CD200R1: variants seen among roughly 807,000 people sequenced by gnomAD.
CD200R1 encodes the protein CD200 receptor 1.
CD200R1 carries 30 observed loss-of-function variants against 38.1 expected under a neutral mutation model. The observed-to-expected ratio is 0.79, with a 90% confidence interval of 0.59 to 1.07. CD200R1 has a LOEUF of 1.07. Ranked by LOEUF, CD200R1 falls within the 50% of genes least tolerant of loss-of-function variation. The pLI is 0.00. For missense variants in CD200R1, 372 were observed against 415.4 expected (o/e 0.90, Z 0.91); for synonymous variants, 128 against 152.1 (o/e 0.84, Z 1.16).
Position 112,922,924 on chromosome 3 carries a change from T to C in CD200R1, c.*753A>G, listed in dbSNP as rs1021057994. ...ATGCACAAACCCTTTGACCTGACAA[T>C]TCCACTCAAGAAAGTTATCCTACAG... On this transcript the variant is annotated 3_prime_UTR_variant, in exon 8 of 8. Transcript: ENST00000308611. 6.6e-6 allele frequency: 1 copy of C among 151,864 alleles called. No homozygotes were observed. Among genetic ancestry groups the C allele is most frequent in the African/African-American group, 2.4e-5 (1 of 41,416 alleles). The allele number at this position is 151,864 out of a possible 1,614,324, so 9.4% of individuals were successfully genotyped here. A position where few individuals can be genotyped will look rare whatever the true frequency, so the allele number is the denominator to read the frequency against.
chr3:112,951,333 T>C (rs149472851), intron 1 of CD200R1, among the ~76,000 whole-genome samples: 1,553 of 152,142 alleles, frequency 0.01, 21 homozygotes, highest in South Asian at 0.031. Context: ...TGAAAAGCCT[T>C]ATATCTTTAA....
At chr3:112,971,292 A>G (rs1196324615) in intron 1 of CD200R1, among the ~76,000 whole-genome samples, 2 of 152,240 alleles carry the variant, frequency 1.3e-5, no homozygotes, top group African/African-American at 4.8e-5. Context: ...AATGACAAGA[A>G]CAAAATCTGT....
At chr3:112,948,194 C>T (rs1219007044) in intron 1 of CD200R1, among the ~76,000 whole-genome samples, 1 of 152,124 alleles carries the variant, frequency 6.6e-6, no homozygotes. Context: ...AGTCTTCTTC[C>T]AGGCTTTTAG....
chr3:112,929,540 C>T, intron 3 of CD200R1, 33 bp from the exon 4 acceptor site: 1 of 1,552,128 alleles, frequency 6.4e-7, no homozygotes, highest in Non-Finnish European at 8.7e-7. Flanking sequence ...AAAAGAAAAG[C>T]TTGATAAAGA....
At chr3:112,960,549 G>A (rs1479228959) in intron 1 of CD200R1, among the ~76,000 whole-genome samples, 1 of 151,874 alleles carries the variant, frequency 6.6e-6, no homozygotes, top group East Asian at 1.9e-4. Context: ...ATGAATAAAT[G>A]AAAGAAGTTA....
intron 3 of CD200R1, among the ~76,000 whole-genome samples, chr3:112,930,692 TG>T (rs1412283441): frequency 6.6e-6 from 1 of 152,248 alleles, no homozygotes. Context: ...AACCTTTATG[TG>T]GGTGAAGGAT....
chr3:112,964,551 T>C (rs1178954248), intron 1 of CD200R1, among the ~76,000 whole-genome samples: 3 of 152,250 alleles, frequency 2.0e-5, no homozygotes, highest in Admixed American at 2.0e-4. Flanking sequence ...CCCCTTTGTT[T>C]TGACCAATTT....
chr3:112,933,902 C>T (rs991367009), intron 2 of CD200R1, among the ~76,000 whole-genome samples: 2 of 151,726 alleles, frequency 1.3e-5, no homozygotes, highest in Non-Finnish European at 2.9e-5. Flanking sequence ...AACTTGAAGA[C>T]AAGTCTTTTG....
In CD200R1 at chr3:112,961,182, G is replaced by A. The variant is rs188287474; in HGVS notation, c.68-13258C>T. Among the ~76,000 whole-genome samples, 17 of 152,044 alleles carry A rather than the reference G, an allele frequency of 1.1e-4. No homozygotes were observed. In the East Asian group the frequency reaches 1.5e-3, roughly 14 times the overall value. On this transcript the variant is annotated intron_variant, in intron 1 of 7. Coordinates refer to ENST00000308611, the MANE Select transcript of CD200R1 (RefSeq NM_138806.4). ...TTTCATTTATTACCCCTGGAATCTC[G>A]CAGGGGTTACTTTCTAAACCCTAGT...
intron 1 of CD200R1, among the ~76,000 whole-genome samples, chr3:112,961,640 A>G (rs1304275241): frequency 3.3e-5 from 5 of 152,102 alleles, no homozygotes; most frequent in Non-Finnish European, 7.4e-5. Context: ...ATAAAGAAAA[A>G]TATTGAGAAG....
rs1173207443 is a variant in CD200R1, at chr3:112,921,956, A to G, written c.*1721T>C. 4 of 152,096 alleles carry G rather than the reference A, an allele frequency of 2.6e-5. No individual in the cohort carries two copies. The highest frequency in any genetic ancestry group is 9.7e-5 in the African/African-American group (4 of 41,446). 9.4% of individuals were successfully genotyped at this position (152,096 alleles called of 1,614,324 possible). ...CCTCAGCTCAACCAGGGTTGGATGAAGAATTAATAAATTTCAAGGACAGTG... is the reference window on the plus strand; with the variant it reads ...CCTCAGCTCAACCAGGGTTGGATGAGGAATTAATAAATTTCAAGGACAGTG... On this transcript the variant is annotated 3_prime_UTR_variant, in exon 8 of 8. Coordinates refer to ENST00000308611, the MANE Select transcript of CD200R1 (RefSeq NM_138806.4).
intron 1 of CD200R1, among the ~76,000 whole-genome samples, chr3:112,973,476 C>A (rs1485724312): frequency 6.6e-6 from 1 of 152,176 alleles, no homozygotes; most frequent in Non-Finnish European, 1.5e-5. Flanking sequence ...TCATATCTAA[C>A]CTTGGCCAAA....
At chr3:112,967,627 C>G (rs1049169248) in intron 1 of CD200R1, among the ~76,000 whole-genome samples, 2 of 152,196 alleles carry the variant, frequency 1.3e-5, no homozygotes, top group African/African-American at 4.8e-5. Context: ...TGATACATGA[C>G]AGACACTCTA....
At chr3:112,928,420 C>T (rs941634593) in intron 5 of CD200R1, among the ~76,000 whole-genome samples, 1 of 151,962 alleles carries the variant, frequency 6.6e-6, no homozygotes, top group Non-Finnish European at 1.5e-5. Context: ...GATGAAAAGT[C>T]CAGAAAACAA....
At chr3:112,949,825 T>C (rs1940938367) in intron 1 of CD200R1, among the ~76,000 whole-genome samples, 1 of 152,172 alleles carries the variant, frequency 6.6e-6, no homozygotes. Flanking sequence ...CACTATGAAT[T>C]CTAGATCTGA....
chr3:112,947,956 A>T, intron 1 of CD200R1, 32 bp from the exon 2 acceptor site: 1 of 1,368,234 alleles, frequency 7.3e-7, no homozygotes, highest in South Asian at 1.2e-5. Context: ...GGGGGTAGAG[A>T]GAGAAATATG....
intron 1 of CD200R1, among the ~76,000 whole-genome samples, chr3:112,973,012 C>T (rs190723941): frequency 5.9e-5 from 9 of 152,242 alleles, no homozygotes; most frequent in African/African-American, 2.2e-4. Flanking sequence ...AATAACTTTA[C>T]AATAACATAA....
At position 112,921,465 on chromosome 3, in the gene CD200R1, G is replaced by A. The variant is rs1237968751; in HGVS notation, c.*2212C>T. On this transcript the variant is annotated 3_prime_UTR_variant, in exon 8 of 8. Transcript: ENST00000308611. ...TGAAAGAGAGAGAGACAGAGAAAGA[G>A]AGAGAAAATTGACAAATCTAGCAAA... 1 of 151,952 alleles carries A rather than the reference G, an allele frequency of 6.6e-6. No homozygotes were observed. Among genetic ancestry groups the A allele is most frequent in the East Asian group, 1.9e-4 (1 of 5,184 alleles). The allele number at this position is 151,952 out of a possible 1,614,324, so 9.4% of individuals were successfully genotyped here. A position where few individuals can be genotyped will look rare whatever the true frequency, so the allele number is the denominator to read the frequency against.
In CD200R1 at chr3:112,952,769, T is replaced by C. The variant is rs1940997465; in HGVS notation, c.68-4845A>G. Among the ~76,000 whole-genome samples, 3 of 152,110 alleles carry C rather than the reference T, an allele frequency of 2.0e-5. No individual in the cohort carries two copies. The South Asian group carries it at 6.2e-4, about 32-fold the overall frequency. The stretch of plus-strand genomic sequence containing the variant: ...ACCTGCACATTGTGCACATGTACCA[T>C]AAAACTTAAAGTATAATAATAATAA... On this transcript the variant is annotated intron_variant, in intron 1 of 7. Transcript: ENST00000308611.
Sources: allele counts gnomAD v4.1 joint callset (sites outside exome capture counted in the v4.1 genomes callset), GRCh38; gene constraint gnomAD v4.1.1; transcripts MANE v1.5; gene names NCBI Gene and HGNC (gene_info 2026-07-23, HGNC 2026-07-21).